Variants in PDE12 observed in about 807,000 individuals in gnomAD.
PDE12 encodes 2',5'-phosphodiesterase 12.
PDE12 carries 26 observed loss-of-function variants against 45.4 expected under a neutral mutation model. The observed-to-expected ratio is 0.57, with a 90% CI of 0.42 to 0.79. PDE12 has a LOEUF of 0.79. Ranked by LOEUF, PDE12 falls within the 30% of genes least tolerant of loss-of-function variation. The probability of loss-of-function intolerance (pLI) is 0.00; values close to 1 mark genes in which losing one functional copy is unlikely to be tolerated. For synonymous variants in PDE12, 283 were observed against 323.9 expected, an observed-to-expected ratio of 0.87 and a Z score of 1.36; for missense variants, 668 against 790.0, an observed-to-expected ratio of 0.85 and a Z score of 1.85.
At chr3:57,628,139 C>T in the PDE12 span, 4 of 1,553,548 alleles carry the variant, frequency 2.6e-6, no homozygotes, top group Admixed American at 1.9e-5. Flanking sequence ...GAGAGATCTC[C>T]TTTGTGCGTC....
chr3:57,592,623 T>C, the PDE12 span, among the ~76,000 whole-genome samples: 1 of 152,176 alleles, frequency 6.6e-6, no homozygotes, highest in Non-Finnish European at 1.5e-5. Context: ...ATCAGTTAAT[T>C]AGCAGCAAAT....
At chr3:57,591,697 C>T in the PDE12 span, among the ~76,000 whole-genome samples, 4 of 152,204 alleles carry the variant, frequency 2.6e-5, no homozygotes, top group East Asian at 7.7e-4. Context: ...GAACTCCTGA[C>T]CTCGTGATCT....
At chr3:57,568,240 G>A (rs2069804228), downstream of PDE12, among the ~76,000 whole-genome samples, 1 of 151,906 alleles carries the variant, frequency 6.6e-6, no homozygotes, top group African/African-American at 2.4e-5. Flanking sequence ...TAGGTGGGTG[G>A]ATCACTTGAA....
the PDE12 span, among the ~76,000 whole-genome samples, chr3:57,624,468 CT>C: frequency 6.6e-6 from 1 of 151,740 alleles, no homozygotes; most frequent in Non-Finnish European, 1.5e-5. Context: ...TTTTAAAAAA[CT>C]TTTTTTAGAG....
At chr3:57,632,379 G>A in the PDE12 span, among the ~76,000 whole-genome samples, 2 of 151,400 alleles carry the variant, frequency 1.3e-5, no homozygotes, top group Non-Finnish European at 2.9e-5. Flanking sequence ...GAGTGCAGTC[G>A]TGCAATCACA....
At chr3:57,598,103 A>G in the PDE12 span, 1 of 152,296 alleles carries the variant, frequency 6.6e-6, no homozygotes, top group East Asian at 1.9e-4. Flanking sequence ...AAGCAGCATT[A>G]AAGATTTACT....
chr3:57,611,815 AAG>A, the PDE12 span, among the ~76,000 whole-genome samples: 2 of 152,232 alleles, frequency 1.3e-5, no homozygotes, highest in Non-Finnish European at 2.9e-5. Context: ...ACCATTGTGG[AAG>A]ATAGTGTGGC....
chr3:57,584,571 A>G, the PDE12 span: 1 of 930,630 alleles, frequency 1.1e-6, no homozygotes, highest in African/African-American at 1.7e-5. Flanking sequence ...GTTCAAGACA[A>G]CTTCTAAATG....
the PDE12 span, among the ~76,000 whole-genome samples, chr3:57,622,274 G>C: frequency 1.3e-5 from 2 of 152,130 alleles, no homozygotes; most frequent in Admixed American, 6.5e-5. Flanking sequence ...CAAAAGGTTT[G>C]AGCACTTTAC....
the PDE12 span, chr3:57,631,233 G>A: frequency 5.1e-6 from 2 of 388,870 alleles, no homozygotes; most frequent in Non-Finnish European, 9.3e-6. Context: ...GCCTTGTTCT[G>A]TTGCGCAGGC....
the PDE12 span, among the ~76,000 whole-genome samples, chr3:57,615,762 C>T: frequency 6.6e-5 from 10 of 152,028 alleles, no homozygotes; most frequent in East Asian, 1.2e-3. Context: ...CAAGATCATG[C>T]TACTGTACCC....
chr3:57,625,527 C>T, the PDE12 span: 14 of 152,430 alleles, frequency 9.2e-5, no homozygotes, highest in Non-Finnish European at 1.8e-4. Flanking sequence ...CTCTTTTTCA[C>T]TGTAAATAGA....
At chr3:57,620,619 T>C in the PDE12 span, among the ~76,000 whole-genome samples, 17 of 152,270 alleles carry the variant, frequency 1.1e-4, no homozygotes, top group East Asian at 3.1e-3. Flanking sequence ...TAAATGAGTA[T>C]AGCAAGATTG....
chr3:57,625,902 A>C, the PDE12 span: 1 of 152,624 alleles, frequency 6.6e-6, no homozygotes, highest in Non-Finnish European at 1.5e-5. Context: ...CTGTAGTGGC[A>C]TAATTTAAAA....
At chr3:57,601,748 T>C in the PDE12 span, among the ~76,000 whole-genome samples, 1 of 142,842 alleles carries the variant, frequency 7.0e-6, no homozygotes. Context: ...TCCTTCTTTT[T>C]TTTTTTTTTT....
chr3:57,592,456 C>T, the PDE12 span, among the ~76,000 whole-genome samples: 4 of 152,114 alleles, frequency 2.6e-5, no homozygotes, highest in African/African-American at 9.7e-5. Context: ...CCACTGTACT[C>T]GAGCCTGGGT....
the PDE12 span, among the ~76,000 whole-genome samples, chr3:57,577,550 T>C: frequency 6.6e-6 from 1 of 152,350 alleles, no homozygotes; most frequent in South Asian, 2.1e-4. Context: ...TTGAGAACTA[T>C]TTGTAAGTTT....
chr3:57,647,669 G>T, the PDE12 span, among the ~76,000 whole-genome samples: 3 of 152,146 alleles, frequency 2.0e-5, no homozygotes, highest in Non-Finnish European at 4.4e-5. Context: ...GCAGAGAAAT[G>T]AGGGTATCTC....
At chr3:57,598,811 A>C in the PDE12 span, among the ~76,000 whole-genome samples, 1 of 152,074 alleles carries the variant, frequency 6.6e-6, no homozygotes, top group South Asian at 2.1e-4. Context: ...AAAAAACCCC[A>C]AAAACTTCTT....
Sources: gnomAD v4.1 joint callset for allele counts (sites outside exome capture counted in the v4.1 genomes callset) on GRCh38, gnomAD v4.1.1 for gene constraint, MANE v1.5 for transcripts, NCBI Gene and HGNC (gene_info 2026-07-23, HGNC 2026-07-21) for gene names.